TMEM132C: variants seen among roughly 807,000 people sequenced by gnomAD.
TMEM132C encodes protein phosphatase 1, regulatory subunit 152.
TMEM132C carries 29 observed loss-of-function variants against 61.4 expected under a neutral mutation model. The observed-to-expected ratio is 0.47, with a 90% CI of 0.35 to 0.64. TMEM132C has a LOEUF of 0.64. Among genes scored for constraint, TMEM132C ranks in the 30% least tolerant of loss-of-function variants. The pLI, the probability that TMEM132C is intolerant of heterozygous loss-of-function variation, is 0.00. For missense variants in TMEM132C, 1,408 were observed against 1,476.9 expected (o/e 0.95, Z 0.76); for synonymous variants, 656 against 633.1 (o/e 1.04, Z -0.54).
intron 2 of TMEM132C, among the ~76,000 whole-genome samples, chr12:128,442,770 G>A (rs1472598518): frequency 6.6e-6 from 1 of 152,140 alleles, no homozygotes. Flanking sequence ...GACCGCTTCA[G>A]TGGCACTTAC....
chr12:128,512,038 G>T (rs528733498), intron 2 of TMEM132C, among the ~76,000 whole-genome samples: 1 of 151,936 alleles, frequency 6.6e-6, no homozygotes, highest in South Asian at 2.1e-4. Context: ...AAGGCCCCTC[G>T]AGCTCCGCCC....
chr12:128,393,956 C>T (rs1874852965), intron 1 of TMEM132C, among the ~76,000 whole-genome samples: 1 of 152,170 alleles, frequency 6.6e-6, no homozygotes, highest in Non-Finnish European at 1.5e-5. Flanking sequence ...GGCTGAGATA[C>T]ACACTTCTTT....
At chr12:128,515,834 CA>C (rs199518470) in intron 2 of TMEM132C, among the ~76,000 whole-genome samples, 14,915 of 111,722 alleles carry the variant, frequency 0.13, 715 homozygotes, top group South Asian at 0.21. Flanking sequence ...GACTCCGTCT[CA>C]AAAAAAAAAA....
chr12:128,599,577 G>C (rs950657786), intron 3 of TMEM132C, among the ~76,000 whole-genome samples: 1 of 152,192 alleles, frequency 6.6e-6, no homozygotes, highest in Admixed American at 6.5e-5. Flanking sequence ...TGCACATAGG[G>C]ATACCCCAGG....
chr12:128,378,038 G>C (rs1422951919), intron 1 of TMEM132C, among the ~76,000 whole-genome samples: 2 of 152,172 alleles, frequency 1.3e-5, no homozygotes, highest in African/African-American at 4.8e-5. Flanking sequence ...AACCCAAGCT[G>C]CCTCACCAGC....
chr12:128,436,308 T>C (rs1401012750), intron 2 of TMEM132C, among the ~76,000 whole-genome samples: 2 of 152,086 alleles, frequency 1.3e-5, no homozygotes, highest in African/African-American at 4.8e-5. Context: ...TGGGATCTAA[T>C]TAAACTAAAG....
rs961007797 is a variant in TMEM132C, at chr12:128,570,315, T to C, written c.1121+26212T>C. Among the ~76,000 whole-genome samples the C allele has an allele frequency of 2.0e-5, 3 of 152,218 alleles. No homozygotes were observed. Among genetic ancestry groups the C allele is most frequent in the Admixed American group, 6.5e-5 (1 of 15,288 alleles). On this transcript the variant is annotated intron_variant, in intron 3 of 8. Transcript: ENST00000435159. The surrounding 1 kb of genome is among the most constrained non-coding windows in gnomAD (Gnocchi z 4.7). ...GCCACTGGGGATGTGCTTTCTCTTG[T>C]CAGTTTCTTTTCCAAGTAATTCACA...
At chr12:128,551,079 C>T (rs1874158361) in intron 3 of TMEM132C, among the ~76,000 whole-genome samples, 2 of 152,202 alleles carry the variant, frequency 1.3e-5, no homozygotes, top group Non-Finnish European at 2.9e-5. Context: ...CTCTCCCCTT[C>T]TCCCTTTCCA....
At chr12:128,516,600 G>A (rs887559702) in intron 2 of TMEM132C, among the ~76,000 whole-genome samples, 1 of 28,394 alleles carries the variant, frequency 3.5e-5, no homozygotes, top group Non-Finnish European at 1.3e-3. Flanking sequence ...CTCCAAAGGA[G>A]GGAAAAAAAA....
At chr12:128,697,126 C>A in intron 7 of TMEM132C, 98 bp from the exon 8 acceptor site, 2 of 1,123,864 alleles carry the variant, frequency 1.8e-6, no homozygotes, top group Non-Finnish European at 2.5e-6. Context: ...GTATTCTGGA[C>A]CTCAGGCCTG....
At chr12:128,584,365 A>G (rs1875461627) in intron 3 of TMEM132C, among the ~76,000 whole-genome samples, 1 of 152,166 alleles carries the variant, frequency 6.6e-6, no homozygotes, top group Non-Finnish European at 1.5e-5. Context: ...CCCCCCTTCA[A>G]TTCTGTCAGC....
At position 128,669,482 on chromosome 12, in the gene TMEM132C, C is replaced by A; in HGVS notation, c.1371C>A (p.Val457=). 1.3e-6 allele frequency: 2 copies of A among 1,551,712 alleles called. No homozygotes were observed. The highest frequency in any genetic ancestry group is 1.7e-6 in the Non-Finnish European group (2 of 1,147,008). ...CAGTTGCCATGCCTATCAAGGTGGTCTCTGTGGAGGAGAACAGTGCCGTGA... is the reference window on the plus strand; with the variant it reads ...CAGTTGCCATGCCTATCAAGGTGGTATCTGTGGAGGAGAACAGTGCCGTGA... ...GKTVAMPIKV[V]SVEENSAVMD... Residue 457 remains valine, a synonymous_variant, in exon 5 of 9, where the codon GTC becomes GTA. Transcript: ENST00000435159.
intron 4 of TMEM132C, among the ~76,000 whole-genome samples, chr12:128,655,856 C>T (rs996966741): frequency 6.6e-6 from 1 of 152,148 alleles, no homozygotes; most frequent in African/African-American, 2.4e-5. Flanking sequence ...TGTCCACCAT[C>T]TCAAGCATAA....
At chr12:128,473,536 A>G (rs1390185348) in intron 2 of TMEM132C, among the ~76,000 whole-genome samples, 2 of 146,262 alleles carry the variant, frequency 1.4e-5, no homozygotes, top group East Asian at 4.0e-4. Flanking sequence ...TCCACCATCC[A>G]TCTTCACTCC....
At chr12:128,540,443 G>A (rs1187705900) in intron 2 of TMEM132C, among the ~76,000 whole-genome samples, 1 of 152,076 alleles carries the variant, frequency 6.6e-6, no homozygotes, top group African/African-American at 2.4e-5. Flanking sequence ...TAGTAGAGAT[G>A]GGTTTTTGCC....
intron 3 of TMEM132C, among the ~76,000 whole-genome samples, chr12:128,615,890 TC>T (rs1198892531): frequency 1.3e-5 from 2 of 152,172 alleles, no homozygotes; most frequent in African/African-American, 2.4e-5. Flanking sequence ...TAATAATCAT[TC>T]CAAGGCCTCA....
At chr12:128,507,157 T>C (rs1872390649) in intron 2 of TMEM132C, among the ~76,000 whole-genome samples, 1 of 152,102 alleles carries the variant, frequency 6.6e-6, no homozygotes, top group African/African-American at 2.4e-5. Flanking sequence ...TTCTGCTGCT[T>C]ACAACCAAAA....
At chr12:128,565,071 C>A (rs1279583750) in intron 3 of TMEM132C, among the ~76,000 whole-genome samples, 2 of 152,214 alleles carry the variant, frequency 1.3e-5, no homozygotes, top group African/African-American at 2.4e-5. Flanking sequence ...GATTAGGTGG[C>A]AAAGCCTGGG....
intron 1 of TMEM132C, among the ~76,000 whole-genome samples, chr12:128,357,196 G>A (rs775704049): frequency 5.9e-5 from 9 of 152,114 alleles, no homozygotes; most frequent in Non-Finnish European, 1.3e-4. Flanking sequence ...GTTCAGACCT[G>A]TGGCCCACCA....
Sources: gnomAD v4.1 joint callset for allele counts (sites outside exome capture counted in the v4.1 genomes callset) on GRCh38, gnomAD v4.1.1 for gene constraint, Gnocchi (gnomAD v3.1) non-coding constraint, MANE v1.5 for transcripts, NCBI Gene and HGNC (gene_info 2026-07-23, HGNC 2026-07-21) for gene names.